Variants in GRM1 observed in about 807,000 individuals in gnomAD.
GRM1 encodes the protein glutamate metabotropic receptor 1, also known as metabotropic glutamate receptor 1.
In GRM1, 33 loss-of-function variants were observed where a neutral mutation model predicts 90.9. That is an observed-to-expected ratio of 0.36 (90% CI 0.28 to 0.49). GRM1 has a LOEUF of 0.49. Ranked by LOEUF, GRM1 falls within the 20% of genes least tolerant of loss-of-function variation. The probability of loss-of-function intolerance (pLI) is 0.99; values close to 1 mark genes in which losing one functional copy is unlikely to be tolerated. For synonymous variants in GRM1, 700 were observed against 613.2 expected, an observed-to-expected ratio of 1.14 and a Z score of -2.09; for missense variants, 1,190 against 1,534.3, an observed-to-expected ratio of 0.78 and a Z score of 3.75.
intron 1 of GRM1, among the ~76,000 whole-genome samples, chr6:146,071,672 C>G (rs1370935361): frequency 7.2e-6 from 1 of 138,230 alleles, no homozygotes; most frequent in Non-Finnish European, 1.6e-5. Flanking sequence ...TTTTGAGATC[C>G]ACACTTATTA....
chr6:146,034,429 G>A (rs985359912), intron 1 of GRM1, among the ~76,000 whole-genome samples: 6 of 151,912 alleles, frequency 3.9e-5, no homozygotes, highest in Non-Finnish European at 7.4e-5. Flanking sequence ...GGTCTTTTCA[G>A]AAGTGCTGCT....
At chr6:146,146,358 A>T (rs919002251) in intron 1 of GRM1, among the ~76,000 whole-genome samples, 10 of 151,792 alleles carry the variant, frequency 6.6e-5, no homozygotes, top group Non-Finnish European at 1.5e-5. Flanking sequence ...AAGTGCTGGG[A>T]TTACAGGCGT....
chr6:146,143,360 G>C (rs1178650893), intron 1 of GRM1, among the ~76,000 whole-genome samples: 1 of 152,196 alleles, frequency 6.6e-6, no homozygotes, highest in African/African-American at 2.4e-5. Flanking sequence ...CTTAGTAATA[G>C]GGTTGAATTG....
rs539863525 is a variant in GRM1, at chr6:146,287,289, C to T, written c.951-17322C>T. Among the ~76,000 whole-genome samples, 275 of 152,258 alleles carry T rather than the reference C, an allele frequency of 1.8e-3. 2 individuals carry two copies. Among genetic ancestry groups the T allele is most frequent in the African/African-American group, 6.1e-3 (252 of 41,548 alleles). ...TCTTATTCTACTGATAACTTTTCAC[C>T]TTATATAAGAGGTCAGGGTCCTAGA... On this transcript the variant is annotated intron_variant, in intron 2 of 7. Coordinates refer to ENST00000282753, the MANE Select transcript of GRM1 (RefSeq NM_001278064.2).
intron 2 of GRM1, among the ~76,000 whole-genome samples, chr6:146,252,311 T>C (rs1006588813): frequency 6.6e-6 from 1 of 152,190 alleles, no homozygotes; most frequent in Non-Finnish European, 1.5e-5. Flanking sequence ...TGGGGAGACT[T>C]CCTGAGGGAG....
intron 2 of GRM1, among the ~76,000 whole-genome samples, chr6:146,223,398 T>C (rs541571667): frequency 1.4e-4 from 21 of 152,190 alleles, no homozygotes; most frequent in African/African-American, 4.8e-4. Flanking sequence ...GATGTTTTTT[T>C]CACATCATTC....
intron 1 of GRM1, among the ~76,000 whole-genome samples, chr6:146,045,140 A>G (rs1484598139): frequency 6.6e-6 from 1 of 151,996 alleles, no homozygotes; most frequent in African/African-American, 2.4e-5. Flanking sequence ...AATCGTTTAT[A>G]TATGTTTAAG....
At chr6:146,334,414 TA>T (rs528666615) in intron 3 of GRM1, among the ~76,000 whole-genome samples, 31 of 152,276 alleles carry the variant, frequency 2.0e-4, no homozygotes, top group African/African-American at 7.2e-4. Context: ...CTCTGTTAAT[TA>T]AAAAAATTCA....
chr6:146,188,642 A>G (rs1456398924), intron 2 of GRM1, among the ~76,000 whole-genome samples: 1 of 152,166 alleles, frequency 6.6e-6, no homozygotes, highest in Non-Finnish European at 1.5e-5. Flanking sequence ...TAAGCCAAAG[A>G]ATACATTTTT....
rs1335496136 is a variant in GRM1 at position 146,434,142 on chromosome 6, G to A, written c.2931G>A (p.Val977=). 12 of 1,614,198 alleles carry A rather than the reference G, an allele frequency of 7.4e-6. No homozygotes were observed. The highest frequency in any genetic ancestry group is 1.0e-5 in the Non-Finnish European group (12 of 1,180,042). Residue 977 remains valine, a synonymous_variant, in exon 8 of 8, where the codon GTG becomes GTA. Coordinates refer to ENST00000282753, the MANE Select transcript of GRM1 (RefSeq NM_001278064.2). Reference sequence around the variant, plus strand: ...GCCCGCCTGGTAGCCCTTCCATGGTGGTGCACAGGCGCGTGCCAAGCGCGG... The same window carrying A: ...GCCCGCCTGGTAGCCCTTCCATGGTAGTGCACAGGCGCGTGCCAAGCGCGG... The part of the protein sequence containing the change: ...RFSPPGSPSM[V]VHRRVPSAAT...
rs1026369706 is a variant in GRM1, at chr6:146,342,600, G to A, written c.1187-9650G>A. Among the ~76,000 whole-genome samples, 3 of 152,138 alleles carry A rather than the reference G, an allele frequency of 2.0e-5. No individual in the cohort carries two copies. The South Asian group carries it at 6.2e-4, about 31-fold the overall frequency. ...AAGTTATTTGACCCACTAGTCTTTA[G>A]ATTGTTCATCAATAAGTTGAGGTTA... On this transcript the variant is annotated intron_variant, in intron 3 of 7. Coordinates refer to ENST00000282753, the MANE Select transcript of GRM1 (RefSeq NM_001278064.2).
intron 5 of GRM1, among the ~76,000 whole-genome samples, chr6:146,374,491 A>C (rs1054153309): frequency 6.6e-6 from 1 of 152,136 alleles, no homozygotes; most frequent in Non-Finnish European, 1.5e-5. Context: ...AGAAGCAAAC[A>C]GGTCCCTGGC....
Position 146,399,504 on chromosome 6 carries a change from G to A in GRM1, c.2465G>A (p.Ser822Asn), listed in dbSNP as rs1278967715. The part of the protein sequence containing the change: ...IITTCFAVSL[S>N]VTVALGCMFT... ...ACAACTTGCTTTGCAGTGAGTCTCA[G>A]TGTAACAGTGGCTCTGGGGTGCATG... The change falls in exon 7 of 8, where the codon AGT becomes AAT. Residue 822 changes from serine (S) to asparagine (N), a missense_variant. Transcript: ENST00000282753. This position sits in a 1 kb window ranked among gnomAD's most constrained non-coding sequence, Gnocchi z 5.4. 6.2e-7 allele frequency: 1 copy of A among 1,614,018 alleles called. No individual in the cohort carries two copies.
intron 2 of GRM1, among the ~76,000 whole-genome samples, chr6:146,225,546 G>A (rs535778691): frequency 1.3e-5 from 2 of 152,216 alleles, no homozygotes; most frequent in East Asian, 3.9e-4. Context: ...TATGTATTTA[G>A]AATCTATTTC....
intron 1 of GRM1, among the ~76,000 whole-genome samples, chr6:146,131,256 G>A (rs1174129295): frequency 1.3e-5 from 2 of 152,030 alleles, no homozygotes; most frequent in African/African-American, 4.8e-5. Flanking sequence ...TAATTCTCAA[G>A]TAGAATTTTA....
intron 2 of GRM1, among the ~76,000 whole-genome samples, chr6:146,241,022 T>A (rs1407598596): frequency 2.0e-5 from 3 of 152,092 alleles, no homozygotes; most frequent in African/African-American, 7.2e-5. Context: ...AGGGTCTACT[T>A]GCCAGGGATG....
At chr6:146,120,913 C>G (rs1232894133) in intron 1 of GRM1, among the ~76,000 whole-genome samples, 1 of 152,004 alleles carries the variant, frequency 6.6e-6, no homozygotes, top group South Asian at 2.1e-4. Flanking sequence ...TTTGTTTTGT[C>G]TGTGCCAGGC....
chr6:146,116,736 A>G (rs1215794759), intron 1 of GRM1, among the ~76,000 whole-genome samples: 1 of 152,092 alleles, frequency 6.6e-6, no homozygotes, highest in Non-Finnish European at 1.5e-5. Flanking sequence ...TTGGGGAGAG[A>G]TAAGTCTTTT....
chr6:146,050,732 A>C (rs1295060439), intron 1 of GRM1, among the ~76,000 whole-genome samples: 1 of 152,034 alleles, frequency 6.6e-6, no homozygotes, highest in Non-Finnish European at 1.5e-5. Context: ...TTGTAGTGTT[A>C]GTTCATGCAG....
Sources: allele counts gnomAD v4.1 joint callset (sites outside exome capture counted in the v4.1 genomes callset), GRCh38; gene constraint gnomAD v4.1.1; non-coding constraint Gnocchi (gnomAD v3.1); transcripts MANE v1.5; gene names NCBI Gene and HGNC (gene_info 2026-07-23, HGNC 2026-07-21).